TMEM108: variants seen among roughly 807,000 people sequenced by gnomAD.
TMEM108 encodes cancer/testis antigen 124.
Under a neutral mutation model 35.1 loss-of-function variants are expected in TMEM108, and 12 were observed. That is an observed-to-expected ratio of 0.34 (90% CI 0.22 to 0.55). The LOEUF is 0.55. TMEM108 is among the 20% of genes least tolerant of loss of function. The pLI is 0.89. For missense variants in TMEM108, 680 were observed against 753.3 expected (o/e 0.90, Z 1.14); for synonymous variants, 287 against 308.6 (o/e 0.93, Z 0.73).
At chr3:133,259,113 C>A (rs914953377) in intron 3 of TMEM108, among the ~76,000 whole-genome samples, 4 of 152,150 alleles carry the variant, frequency 2.6e-5, no homozygotes, top group African/African-American at 9.7e-5. Context: ...AATACATTAC[C>A]ACCACTAAGT....
At chr3:133,189,238 A>G (rs1945464473) in intron 2 of TMEM108, among the ~76,000 whole-genome samples, 1 of 151,124 alleles carries the variant, frequency 6.6e-6, no homozygotes, top group Non-Finnish European at 1.5e-5. Context: ...TGGTTTGGCA[A>G]ATATCCATCT....
intron 2 of TMEM108, among the ~76,000 whole-genome samples, chr3:133,163,640 C>G (rs755814411): frequency 2.4e-4 from 36 of 152,178 alleles, no homozygotes; most frequent in Non-Finnish European, 4.4e-4. Flanking sequence ...AAACCTTTCT[C>G]TACCAGAAAA....
Position 133,229,343 on chromosome 3 carries a change from A to C in TMEM108, c.32A>C (p.Gln11Pro). Residue 11 changes from glutamine to proline, a missense_variant, in exon 3 of 6, where the codon CAA (glutamine) becomes CCA (proline). Gln to Pro is a moderately conservative substitution (Grantham distance 76, BLOSUM62 -1). Coordinates refer to ENST00000321871, the MANE Select transcript of TMEM108 (RefSeq NM_023943.4). ...AGAAGTTTACAGGCCCTCTATTGCC[A>C]ACTGTTAAGTAAGTTGACACTGTAT... MKRSLQALYC[Q>P]LLSFLLILAL... 6.2e-7 allele frequency: 1 copy of C among 1,613,166 alleles called. No homozygotes were observed. The highest frequency in any genetic ancestry group is 8.5e-7 in the Non-Finnish European group (1 of 1,179,484).
chr3:133,150,039 A>G (rs1944775300), intron 2 of TMEM108, among the ~76,000 whole-genome samples: 1 of 152,084 alleles, frequency 6.6e-6, no homozygotes, highest in Non-Finnish European at 1.5e-5. Context: ...TGGCAGCTCT[A>G]TTAGTTTTTT....
At chr3:133,376,263 T>C (rs554174621) in intron 3 of TMEM108, among the ~76,000 whole-genome samples, 1 of 152,192 alleles carries the variant, frequency 6.6e-6, no homozygotes, top group South Asian at 2.1e-4. Flanking sequence ...TATTAACCCC[T>C]CTCTCTGCCT....
chr3:133,212,204 T>C (rs1945842557), intron 2 of TMEM108, among the ~76,000 whole-genome samples: 1 of 152,196 alleles, frequency 6.6e-6, no homozygotes. Flanking sequence ...TACACAGTCC[T>C]CTTTCATCTG....
Position 133,084,358 on chromosome 3 carries a change from T to G in TMEM108, c.-47+38338T>G, listed in dbSNP as rs140857928. On this transcript the variant is annotated intron_variant, in intron 2 of 5. Transcript: ENST00000321871. ...ACTAGAACAATCAGTATTAGACTTATTCCAGCCACTCTTCCCTTCTCTCTC... is the reference window on the plus strand; with the variant it reads ...ACTAGAACAATCAGTATTAGACTTAGTCCAGCCACTCTTCCCTTCTCTCTC... Among the ~76,000 whole-genome samples, 520 of 152,322 alleles carry G rather than the reference T, an allele frequency of 3.4e-3. 1 individual carries two copies. The highest frequency in any genetic ancestry group is 6.0e-3 in the Non-Finnish European group (410 of 68,020).
chr3:133,313,480 T>C (rs1437633782), intron 3 of TMEM108, among the ~76,000 whole-genome samples: 1 of 152,204 alleles, frequency 6.6e-6, no homozygotes, highest in Non-Finnish European at 1.5e-5. Flanking sequence ...CCACCGCGCC[T>C]GGCCAAATTT....
intron 3 of TMEM108, among the ~76,000 whole-genome samples, chr3:133,257,626 A>G (rs946152600): frequency 1.3e-5 from 2 of 152,244 alleles, no homozygotes; most frequent in Admixed American, 1.3e-4. Context: ...TTGGCAAATT[A>G]GACTAATATT....
chr3:133,052,408 G>A (rs908847133), intron 2 of TMEM108, among the ~76,000 whole-genome samples: 3 of 151,438 alleles, frequency 2.0e-5, no homozygotes, highest in Admixed American at 1.3e-4. Flanking sequence ...TTCTACCCAG[G>A]TGATCATATT....
intron 2 of TMEM108, among the ~76,000 whole-genome samples, chr3:133,068,737 A>G (rs921150183): frequency 6.6e-6 from 1 of 152,170 alleles, no homozygotes; most frequent in Non-Finnish European, 1.5e-5. Flanking sequence ...ACCTGTGAGG[A>G]TATAAAGTGG....
At chr3:133,062,970 A>G (rs187723253) in intron 2 of TMEM108, among the ~76,000 whole-genome samples, 181 of 152,292 alleles carry the variant, frequency 1.2e-3, no homozygotes, top group African/African-American at 3.8e-3. Flanking sequence ...TGACTGTGGA[A>G]TTTAAATTGG....
chr3:133,278,633 G>A (rs1003004461), intron 3 of TMEM108, among the ~76,000 whole-genome samples: 2 of 152,108 alleles, frequency 1.3e-5, no homozygotes, highest in Non-Finnish European at 2.9e-5. Context: ...GTAAATATTT[G>A]TATGTCTAAA....
At chr3:133,265,280 A>G (rs1355656411) in intron 3 of TMEM108, among the ~76,000 whole-genome samples, 1 of 152,108 alleles carries the variant, frequency 6.6e-6, no homozygotes, top group African/African-American at 2.4e-5. Flanking sequence ...AACATTTTGT[A>G]TGTCTTTGAG....
In TMEM108 at chr3:133,365,308, G is replaced by T. The variant is rs543138730; in HGVS notation, c.41-14444G>T. The stretch of plus-strand genomic sequence containing the variant: ...AAGAGCTAGACAGAATCCCAACCCT[G>T]CCAGCTTATATGGGAAATAGATGCA... On this transcript the variant is annotated intron_variant, in intron 3 of 5. Coordinates refer to ENST00000321871, the MANE Select transcript of TMEM108 (RefSeq NM_023943.4). Among the ~76,000 whole-genome samples, 24 of 152,264 alleles carry T rather than the reference G, an allele frequency of 1.6e-4. No individual in the cohort carries two copies. In the South Asian group the frequency reaches 5.0e-3, roughly 32 times the overall value.
At chr3:133,234,836 G>A (rs1383739456) in intron 3 of TMEM108, among the ~76,000 whole-genome samples, 1 of 152,170 alleles carries the variant, frequency 6.6e-6, no homozygotes, top group African/African-American at 2.4e-5. Context: ...CGACATGATT[G>A]TATATCTAGA....
At chr3:133,350,492 A>C (rs542411979) in intron 3 of TMEM108, among the ~76,000 whole-genome samples, 1 of 152,210 alleles carries the variant, frequency 6.6e-6, no homozygotes, top group African/African-American at 2.4e-5. Flanking sequence ...TATGCTAAAT[A>C]CCCTGATTTG....
intron 3 of TMEM108, among the ~76,000 whole-genome samples, chr3:133,297,719 G>GT (rs1312207886): frequency 6.6e-6 from 1 of 152,182 alleles, no homozygotes; most frequent in Non-Finnish European, 1.5e-5. Context: ...CTTAAGAACT[G>GT]TAAGAAGAGA....
At chr3:133,236,520 T>G (rs138132740) in intron 3 of TMEM108, among the ~76,000 whole-genome samples, 2 of 152,176 alleles carry the variant, frequency 1.3e-5, no homozygotes, top group African/African-American at 4.8e-5. Context: ...GTCTGTAGAT[T>G]TTTCTGGGCC....
Sources: allele counts gnomAD v4.1 joint callset (sites outside exome capture counted in the v4.1 genomes callset), GRCh38; gene constraint gnomAD v4.1.1; transcripts MANE v1.5; gene names NCBI Gene and HGNC (gene_info 2026-07-23, HGNC 2026-07-21).